GRIA3: variants seen among roughly 807,000 people sequenced by gnomAD.
The protein encoded by GRIA3 is glutamate ionotropic receptor AMPA type subunit 3.
In GRIA3, 3 loss-of-function variants were observed where a neutral mutation model predicts 63.0. That is an observed-to-expected ratio of 0.05 (90% CI 0.02 to 0.12). The LOEUF (loss-of-function observed/expected upper bound fraction) is 0.12. GRIA3 is among the 10% of genes least tolerant of loss of function. The pLI is 1.00. For synonymous variants in GRIA3, 274 were observed against 257.9 expected, an observed-to-expected ratio of 1.06 and a Z score of -0.60; for missense variants, 347 against 700.9, an observed-to-expected ratio of 0.50 and a Z score of 5.70.
At chrX:123,441,392 A>G (rs1437500481) in intron 12 of GRIA3, among the ~76,000 whole-genome samples, 1 of 111,908 alleles carries the variant, frequency 8.9e-6, no homozygotes, top group African/African-American at 3.2e-5. Flanking sequence ...ACTGTATCAT[A>G]GTAGAAATCA....
chrX:123,367,522 C>T (rs1464111910), intron 5 of GRIA3, among the ~76,000 whole-genome samples: 1 of 110,072 alleles, frequency 9.1e-6, no homozygotes, highest in Admixed American at 9.7e-5. Context: ...CTGCAACCTC[C>T]GCCTCCTGGG....
intron 2 of GRIA3, among the ~76,000 whole-genome samples, chrX:123,192,103 G>C (rs895650339): frequency 9.0e-6 from 1 of 111,562 alleles, no homozygotes; most frequent in African/African-American, 3.3e-5. Flanking sequence ...AAGTACACCC[G>C]AGGCATAGGC....
At position 123,480,053 on chromosome X, in the gene GRIA3, C is replaced by G; in HGVS notation, c.2325-10C>G. 9.6e-7 allele frequency: 1 copy of G among 1,037,988 alleles called. No individual in the cohort carries two copies. The highest frequency in any genetic ancestry group is 1.9e-5 in the South Asian group (1 of 53,227). 85.5% of individuals were successfully genotyped at this position (1,037,988 alleles called of 1,213,427 possible). ...AATATAATGTTATTTATGTTATTTC[C>G]CACGTGAAGAACGCCTGTAAACCTT... On this transcript the variant is annotated splice_polypyrimidine_tract_variant and intron_variant, in intron 13 of 15. Coordinates refer to ENST00000620443, the MANE Select transcript of GRIA3 (RefSeq NM_007325.5).
chrX:123,255,918 C>T (rs1367172168), intron 3 of GRIA3, among the ~76,000 whole-genome samples: 1 of 110,650 alleles, frequency 9.0e-6, no homozygotes, highest in African/African-American at 3.3e-5. Flanking sequence ...TTCTATTGCC[C>T]ATATTGAAAA....
At chrX:123,453,154 A>G (rs1424365307) in intron 12 of GRIA3, among the ~76,000 whole-genome samples, 1 of 112,062 alleles carries the variant, frequency 8.9e-6, no homozygotes, top group Admixed American at 9.5e-5. Context: ...ATGTCCATCA[A>G]TGATAGACTG....
chrX:123,192,507 A>C (rs938872766), intron 2 of GRIA3, among the ~76,000 whole-genome samples: 2 of 111,439 alleles, frequency 1.8e-5, no homozygotes, highest in East Asian at 2.8e-4. Context: ...TCCTTCCCTT[A>C]CCTTGTCTCA....
At chrX:123,281,735 A>T (rs2044587077) in intron 3 of GRIA3, among the ~76,000 whole-genome samples, 1 of 111,694 alleles carries the variant, frequency 9.0e-6, no homozygotes, top group Admixed American at 9.5e-5. Context: ...TGCTCCACCA[A>T]CTTCATAAGA....
chrX:123,441,794 A>T (rs1465407608), intron 12 of GRIA3, among the ~76,000 whole-genome samples: 1 of 100,761 alleles, frequency 9.9e-6, no homozygotes, highest in African/African-American at 3.7e-5. Flanking sequence ...TTGATTTCCA[A>T]ATGTTTGTAT....
intron 3 of GRIA3, among the ~76,000 whole-genome samples, chrX:123,324,058 G>A (rs1008800318): frequency 3.6e-5 from 4 of 111,525 alleles, no homozygotes; most frequent in Admixed American, 2.9e-4. Context: ...TAAAAGTAAC[G>A]GTGGAAGGAC....
At chrX:123,238,831 G>A (rs1368278242) in intron 2 of GRIA3, among the ~76,000 whole-genome samples, 2 of 109,051 alleles carry the variant, frequency 1.8e-5, no homozygotes, top group Admixed American at 1.9e-4. Flanking sequence ...TAAAAGTGAT[G>A]AAGGTGGGTT....
chrX:123,258,417 C>T (rs758510428), intron 3 of GRIA3, among the ~76,000 whole-genome samples: 29 of 112,358 alleles, frequency 2.6e-4, no homozygotes, highest in African/African-American at 9.0e-4. Flanking sequence ...ATTCCAGGCA[C>T]CATGAGTCCA....
At chrX:123,443,164 G>T (rs2045685583) in intron 12 of GRIA3, among the ~76,000 whole-genome samples, 2 of 112,053 alleles carry the variant, frequency 1.8e-5, no homozygotes, top group South Asian at 7.5e-4. Context: ...CTATAGGGAA[G>T]CTCAAGTAAT....
At chrX:123,256,945 T>C (rs760686814) in intron 3 of GRIA3, among the ~76,000 whole-genome samples, 19 of 111,202 alleles carry the variant, frequency 1.7e-4, no homozygotes, top group Non-Finnish European at 3.2e-4. Flanking sequence ...GACTGTGGGA[T>C]GTGAAGGAGA....
At chrX:123,409,204 C>T (rs1199782155) in intron 10 of GRIA3, among the ~76,000 whole-genome samples, 2 of 111,662 alleles carry the variant, frequency 1.8e-5, no homozygotes, top group Admixed American at 1.9e-4. Flanking sequence ...ACTGCTTTAT[C>T]TTAAGGGTAT....
chrX:123,229,176 C>A (rs1013938203), intron 2 of GRIA3, among the ~76,000 whole-genome samples: 8 of 111,132 alleles, frequency 7.2e-5, no homozygotes, highest in African/African-American at 2.6e-4. Flanking sequence ...AAACTGAGGC[C>A]AGCAGTGTAC....
At chrX:123,488,229 C>T (rs892912226) in intron 15 of GRIA3, among the ~76,000 whole-genome samples, 8 of 112,516 alleles carry the variant, frequency 7.1e-5, no homozygotes, top group African/African-American at 2.6e-4. Flanking sequence ...TATTTTCAGA[C>T]TTTAATAACT....
chrX:123,204,295 G>A, intron 2 of GRIA3: 1 of 638,389 alleles, frequency 1.6e-6, no homozygotes, highest in Non-Finnish European at 2.5e-6. Context: ...CAGCCTGTGG[G>A]CATCCTGCAG....
intron 11 of GRIA3, among the ~76,000 whole-genome samples, chrX:123,426,265 C>T (rs938118943): frequency 1.8e-5 from 2 of 111,800 alleles, no homozygotes; most frequent in Non-Finnish European, 1.9e-5. Context: ...CAGACAGAGC[C>T]AGCCTTCAGC....
intron 1 of GRIA3, 123 bp from the exon 2 acceptor site, chrX:123,185,709 T>C (rs1474777388): frequency 1.7e-6 from 1 of 575,872 alleles, no homozygotes; most frequent in Admixed American, 2.6e-5. Context: ...AGGTTGAATA[T>C]CAATCCTCAA....
Sources: allele counts gnomAD v4.1 joint callset (sites outside exome capture counted in the v4.1 genomes callset), GRCh38; gene constraint gnomAD v4.1.1; transcripts MANE v1.5; gene names NCBI Gene and HGNC (gene_info 2026-07-23, HGNC 2026-07-21).